The following RALYL variants were observed in gnomAD, a reference collection of about 807,000 sequenced individuals.
RALYL encodes RNA-binding Raly-like protein.
RALYL carries 29 observed loss-of-function variants against 35.1 expected under a neutral mutation model. The ratio of observed to expected loss-of-function variants is 0.83; its 90% CI spans 0.61 to 1.13. RALYL has a LOEUF of 1.13. RALYL is among the 50% of genes most tolerant of loss of function. The pLI, the probability that RALYL is intolerant of heterozygous loss-of-function variation, is 0.00. For synonymous variants in RALYL, 120 were observed against 127.6 expected, an observed-to-expected ratio of 0.94 and a Z score of 0.40; for missense variants, 359 against 360.4, an observed-to-expected ratio of 1.00 and a Z score of 0.03.
At chr8:84,882,919 T>A (rs748135704) in intron 7 of RALYL, among the ~76,000 whole-genome samples, 1 of 152,062 alleles carries the variant, frequency 6.6e-6, no homozygotes, top group African/African-American at 2.4e-5. Context: ...ACTTCAGCAA[T>A]GTAATTACTG....
chr8:84,415,303 C>T (rs574053002), intron 1 of RALYL, among the ~76,000 whole-genome samples: 2 of 150,330 alleles, frequency 1.3e-5, no homozygotes, highest in Non-Finnish European at 3.0e-5. Context: ...GGTGCAATCT[C>T]GGCTCGGCTC....
chr8:84,464,672 G>A (rs1167782819), intron 1 of RALYL, among the ~76,000 whole-genome samples: 1 of 151,898 alleles, frequency 6.6e-6, no homozygotes, highest in Non-Finnish European at 1.5e-5. Context: ...GGGATGGCTG[G>A]GTGAAATGGT....
chr8:84,871,095 C>T lies in RALYL; in HGVS notation c.572-2189C>T, dbSNP rs368369009. Among the ~76,000 whole-genome samples the T allele has an allele frequency of 3.3e-5, 5 of 152,108 alleles. No individual in the cohort carries two copies. The South Asian group carries it at 6.2e-4, about 19-fold the overall frequency. On this transcript the variant is annotated intron_variant, in intron 6 of 8. Coordinates refer to ENST00000521268, the MANE Select transcript of RALYL (RefSeq NM_173848.7). ...TCCAGGAAAGAACTGACAGGATTTC[C>T]GTGTTACATTTCAACATTGTTTCTT...
chr8:84,812,543 C>G (rs942086398), intron 4 of RALYL, among the ~76,000 whole-genome samples: 1 of 152,058 alleles, frequency 6.6e-6, no homozygotes, highest in Admixed American at 6.6e-5. Context: ...AGGGCAGGAC[C>G]ATCAGGTGGG....
chr8:84,790,866 T>A (rs1456654111), intron 3 of RALYL, among the ~76,000 whole-genome samples: 1 of 152,202 alleles, frequency 6.6e-6, no homozygotes, highest in Non-Finnish European at 1.5e-5. Flanking sequence ...TGACCACCTT[T>A]GATTGGCCAG....
At chr8:84,428,954 CTTTA>C (rs1008706535) in intron 1 of RALYL, among the ~76,000 whole-genome samples, 2 of 151,976 alleles carry the variant, frequency 1.3e-5, no homozygotes, top group African/African-American at 4.8e-5. Flanking sequence ...TTCAATTTTT[CTTTA>C]TTTATACATA....
chr8:84,222,427 G>T (rs549404450), intron 1 of RALYL, among the ~76,000 whole-genome samples: 1 of 152,220 alleles, frequency 6.6e-6, no homozygotes, highest in South Asian at 2.1e-4. Flanking sequence ...GCCTGAATTA[G>T]ATTTCAAAAT....
At chr8:84,464,118 A>T (rs117627116) in intron 1 of RALYL, among the ~76,000 whole-genome samples, 6,806 of 147,734 alleles carry the variant, frequency 0.046, 240 homozygotes, top group Non-Finnish European at 0.068. Flanking sequence ...ATTATTTAAA[A>T]ACATTAAAAC....
chr8:84,560,168 C>T (rs930478943), intron 2 of RALYL, among the ~76,000 whole-genome samples: 1 of 151,718 alleles, frequency 6.6e-6, no homozygotes, highest in African/African-American at 2.4e-5. Context: ...CATTCTTATG[C>T]CATTATTTAG....
chr8:84,617,524 C>G (rs1026054840), intron 2 of RALYL, among the ~76,000 whole-genome samples: 1 of 150,522 alleles, frequency 6.6e-6, no homozygotes, highest in African/African-American at 2.5e-5. Context: ...GGTATACAAT[C>G]ATGTCATCTG....
At chr8:84,481,775 A>G (rs1228610619) in intron 1 of RALYL, among the ~76,000 whole-genome samples, 1 of 152,134 alleles carries the variant, frequency 6.6e-6, no homozygotes, top group East Asian at 1.9e-4. Flanking sequence ...AAACTAATAT[A>G]TGGAAATATA....
At chr8:84,407,964 C>T (rs1230186366) in intron 1 of RALYL, among the ~76,000 whole-genome samples, 1 of 151,922 alleles carries the variant, frequency 6.6e-6, no homozygotes, top group African/African-American at 2.4e-5. Context: ...GAATATAAAT[C>T]CAGGGCTGTC....
chr8:84,590,593 G>T (rs1813017433), intron 2 of RALYL, among the ~76,000 whole-genome samples: 1 of 152,182 alleles, frequency 6.6e-6, no homozygotes, highest in Non-Finnish European at 1.5e-5. Flanking sequence ...AGGAGGATTA[G>T]ATCTACAGGC....
At chr8:84,313,405 G>A (rs1038313063) in intron 1 of RALYL, among the ~76,000 whole-genome samples, 11 of 152,278 alleles carry the variant, frequency 7.2e-5, no homozygotes, top group African/African-American at 2.4e-4. Context: ...CCCAGAAAGT[G>A]GGGTTTTCTA....
At chr8:84,578,272 T>A (rs1299388075) in intron 2 of RALYL, among the ~76,000 whole-genome samples, 3 of 152,214 alleles carry the variant, frequency 2.0e-5, no homozygotes, top group African/African-American at 7.2e-5. Flanking sequence ...GCTGTGGGTG[T>A]CTACATCTGG....
intron 2 of RALYL, among the ~76,000 whole-genome samples, chr8:84,683,156 G>A (rs552981068): frequency 1.3e-5 from 2 of 152,320 alleles, no homozygotes; most frequent in African/African-American, 4.8e-5. Flanking sequence ...GTGGTTTTGA[G>A]TGAGTTTCTT....
At chr8:84,684,546 A>G (rs1008163378) in intron 2 of RALYL, among the ~76,000 whole-genome samples, 2 of 152,238 alleles carry the variant, frequency 1.3e-5, no homozygotes, top group Non-Finnish European at 2.9e-5. Context: ...ATCCTAAGCA[A>G]TGAATTTGTG....
At chr8:84,480,947 T>A (rs1056603941) in intron 1 of RALYL, among the ~76,000 whole-genome samples, 3 of 152,174 alleles carry the variant, frequency 2.0e-5, no homozygotes, top group Non-Finnish European at 4.4e-5. Context: ...AAAATTTCCA[T>A]ATTCCTGCAT....
chr8:84,236,509 T>G lies in RALYL; in HGVS notation c.-24+52085T>G, dbSNP rs182426616. On this transcript the variant is annotated intron_variant, in intron 1 of 8. Coordinates refer to ENST00000521268, the MANE Select transcript of RALYL (RefSeq NM_173848.7). ...GAATCTGCCCATATGATAGGCACCT[T>G]TTTTATTGTATAATGATCCTGGCCA... is the stretch of plus-strand genomic sequence containing the variant. Among the ~76,000 whole-genome samples the G allele has an allele frequency of 3.0e-3, 452 of 152,258 alleles. 4 individuals carry two copies. The highest frequency in any genetic ancestry group is 4.3e-3 in the Non-Finnish European group (293 of 68,022).
Sources: gnomAD v4.1 joint callset for allele counts (sites outside exome capture counted in the v4.1 genomes callset) on GRCh38, gnomAD v4.1.1 for gene constraint, MANE v1.5 for transcripts, NCBI Gene and HGNC (gene_info 2026-07-23, HGNC 2026-07-21) for gene names.